The following RIF1 variants were observed in gnomAD, a reference collection of about 807,000 sequenced individuals.
The protein encoded by RIF1 is replication timing regulatory factor 1.
In RIF1, 45 loss-of-function variants were observed where a neutral mutation model predicts 247.1. The ratio of observed to expected loss-of-function variants is 0.18; its 90% CI spans 0.14 to 0.23. The LOEUF is 0.23. RIF1 is among the 10% of genes least tolerant of loss of function. RIF1 has a pLI of 1.00. For missense variants in RIF1, 2,967 were observed against 2,862.5 expected (o/e 1.04, Z -0.83); for synonymous variants, 1,087 against 978.8 (o/e 1.11, Z -2.06).
the RIF1 span, chr2:151,514,442 G>T: frequency 6.4e-7 from 1 of 1,563,606 alleles, no homozygotes. Context: ...TATCATGAAA[G>T]AAAAGCAACA....
At chr2:151,529,132 G>A in the RIF1 span, 12 of 925,180 alleles carry the variant, frequency 1.3e-5, no homozygotes, top group Non-Finnish European at 2.0e-5. Flanking sequence ...ATTGCCTGAA[G>A]AGATGTAAAA....
intron 21 of RIF1, among the ~76,000 whole-genome samples, chr2:151,452,541 A>G (rs1414905942): frequency 6.6e-6 from 1 of 152,238 alleles, no homozygotes; most frequent in Admixed American, 6.5e-5. Context: ...AAGTAGCAAT[A>G]TGGAGTAACA....
chr2:151,446,458 A>G lies in RIF1; in HGVS notation c.2127A>G (p.Ser709=). The change falls in exon 20 of 36, where the codon TCA becomes TCG. Residue 709 remains serine, a synonymous_variant. Transcript: ENST00000444746. ...TGAAGACTTTGCTTAGAACTTGGTC[A>G]GAATTATATAGAGCATTTGCTCGTT... ...ATMKTLLRTW[S]ELYRAFARCA... The G allele has an allele frequency of 6.2e-7, 1 of 1,614,152 alleles. No homozygotes were observed. The highest frequency in any genetic ancestry group is 8.5e-7 in the Non-Finnish European group (1 of 1,180,030).
the RIF1 span, chr2:151,533,453 T>A: frequency 2.3e-5 from 35 of 1,549,796 alleles, no homozygotes; most frequent in African/African-American, 4.0e-4. Flanking sequence ...TGGCTCCACA[T>A]ATGCGAATTG....
intron 27 of RIF1, 26 bp from the exon 28 acceptor site, chr2:151,462,216 A>T (rs1365069715): frequency 1.4e-6 from 2 of 1,429,076 alleles, no homozygotes; most frequent in Non-Finnish European, 1.9e-6. Flanking sequence ...CGGTTTTTGA[A>T]GTTACTTATA....
the RIF1 span, chr2:151,533,635 G>C: frequency 1.3e-6 from 1 of 793,708 alleles, no homozygotes; most frequent in South Asian, 1.6e-5. Flanking sequence ...TCTGAGTGAA[G>C]AGATGTAGGC....
intron 9 of RIF1, among the ~76,000 whole-genome samples, chr2:151,494,496 A>G (rs1040258296): frequency 2.6e-5 from 4 of 152,138 alleles, no homozygotes; most frequent in Admixed American, 6.5e-5. Context: ...TGTTCCTCAA[A>G]AGGATGAGAA....
At chr2:151,454,397 T>C (rs1002739576) in intron 21 of RIF1, among the ~76,000 whole-genome samples, 18 of 152,188 alleles carry the variant, frequency 1.2e-4, no homozygotes, top group African/African-American at 3.6e-4. Flanking sequence ...CTGCATTCTT[T>C]CTCAGCTTTG....
chr2:151,489,850 A>G lies in RIF1; in HGVS notation c.*416-5379A>G, dbSNP rs1647635160. ...TCATTAATATGAAACATGTAATAAA[A>G]GAGCATTATATAAAATAGAAGGTTT... On this transcript the variant is annotated intron_variant and NMD_transcript_variant, in intron 9 of 13. Coordinates refer to the RIF1 transcript ENST00000454583. The G allele has an allele frequency of 1.5e-5, 9 of 597,706 alleles. No individual in the cohort carries two copies. In the Admixed American group the frequency reaches 2.6e-4, roughly 17 times the overall value. 37.0% of individuals were successfully genotyped at this position (597,706 alleles called of 1,614,324 possible).
intron 13 of RIF1, among the ~76,000 whole-genome samples, chr2:151,437,774 TATTC>T (rs1309263225): frequency 2.0e-5 from 3 of 152,228 alleles, no homozygotes; most frequent in African/African-American, 7.2e-5. Flanking sequence ...ACTTTACATT[TATTC>T]ATTTAATTTT....
intron 18 of RIF1, 52 bp from the exon 19 acceptor site, chr2:151,445,286 G>A (rs1363764981): frequency 3.0e-6 from 3 of 1,013,314 alleles, no homozygotes; most frequent in Non-Finnish European, 3.2e-6. Context: ...TTACTACTTA[G>A]GATTAGAATA....
chr2:151,429,679 CCTTA>C (rs1189510196), intron 9 of RIF1, among the ~76,000 whole-genome samples: 2 of 152,144 alleles, frequency 1.3e-5, no homozygotes, highest in Admixed American at 1.3e-4. Context: ...TGATCGATGA[CCTTA>C]CTTCTTTCAG....
At chr2:151,426,066 T>A (rs566601164) in intron 8 of RIF1, among the ~76,000 whole-genome samples, 2 of 152,074 alleles carry the variant, frequency 1.3e-5, no homozygotes, top group Admixed American at 6.6e-5. Flanking sequence ...TGTATGGCTG[T>A]CCTTATGCCA....
At chr2:151,473,923 G>T (rs368631334) in intron 34 of RIF1, 41 bp from the exon 35 acceptor site, 33 of 959,578 alleles carry the variant, frequency 3.4e-5, no homozygotes, top group Non-Finnish European at 5.6e-5. Context: ...ATTTGTTGTT[G>T]TTGTTGTTTT....
chr2:151,427,049 T>C (rs1022362244), intron 8 of RIF1, among the ~76,000 whole-genome samples: 1 of 152,190 alleles, frequency 6.6e-6, no homozygotes, highest in Non-Finnish European at 1.5e-5. Context: ...CTCTTATAGC[T>C]AACTTGTGTG....
At chr2:151,411,443 C>A (rs900026265) in intron 3 of RIF1, 105 bp downstream of exon 3, 25 of 687,706 alleles carry the variant, frequency 3.6e-5, no homozygotes, top group Non-Finnish European at 5.7e-5. Context: ...GTTGCCCAGG[C>A]GAGAGTGCAA....
chr2:151,517,003 TG>T, the RIF1 span, among the ~76,000 whole-genome samples: 2 of 152,234 alleles, frequency 1.3e-5, no homozygotes, highest in Non-Finnish European at 2.9e-5. Flanking sequence ...ATCAGAGACC[TG>T]GGGTCTAGAT....
chr2:151,472,029 G>A (rs1015235637), intron 34 of RIF1, among the ~76,000 whole-genome samples: 5 of 151,972 alleles, frequency 3.3e-5, no homozygotes, highest in African/African-American at 4.8e-5. Context: ...ATTTGTTTGT[G>A]TCCTCTTTTA....
the RIF1 span, among the ~76,000 whole-genome samples, chr2:151,533,723 G>A: frequency 6.6e-6 from 1 of 152,198 alleles, no homozygotes; most frequent in African/African-American, 2.4e-5. Context: ...TGACTGCAAT[G>A]CTTGCGGTTG....
Sources: allele counts gnomAD v4.1 joint callset (sites outside exome capture counted in the v4.1 genomes callset), GRCh38; gene constraint gnomAD v4.1.1; transcripts MANE v1.5; gene names NCBI Gene and HGNC (gene_info 2026-07-23, HGNC 2026-07-21).